The following ATXN1 variants were observed in gnomAD, a reference collection of about 807,000 sequenced individuals.
The protein encoded by ATXN1 is ataxin-1.
In ATXN1, 8 loss-of-function variants were observed where a neutral mutation model predicts 56.4. That is an observed-to-expected ratio of 0.14 (90% CI 0.08 to 0.26). ATXN1 has a LOEUF of 0.26. Among genes scored for constraint, ATXN1 ranks in the 10% least tolerant of loss-of-function variants. ATXN1 has a pLI of 1.00. For missense variants in ATXN1, 987 were observed against 1,106.5 expected (o/e 0.89, Z 1.53); for synonymous variants, 514 against 494.6 (o/e 1.04, Z -0.52).
intron 2 of ATXN1, among the ~76,000 whole-genome samples, chr6:16,689,696 A>G (rs1308926945): frequency 6.6e-6 from 1 of 152,034 alleles, no homozygotes; most frequent in African/African-American, 2.4e-5. Flanking sequence ...CATATACTAT[A>G]AAATGATTAT....
intron 5 of ATXN1, among the ~76,000 whole-genome samples, chr6:16,512,608 C>T (rs1228014757): frequency 8.6e-5 from 13 of 152,024 alleles, no homozygotes; most frequent in Admixed American, 7.2e-4. Context: ...TTGTCGCAAT[C>T]GGTTAAAAAG....
chr6:16,655,350 G>A (rs1165981485), intron 3 of ATXN1, among the ~76,000 whole-genome samples: 4 of 152,008 alleles, frequency 2.6e-5, no homozygotes, highest in Admixed American at 2.0e-4. Flanking sequence ...GCGAGACCTC[G>A]TATCTACAAA....
At chr6:16,308,015 G>A (rs1477897511) in intron 7 of ATXN1, among the ~76,000 whole-genome samples, 1 of 152,134 alleles carries the variant, frequency 6.6e-6, no homozygotes, top group Non-Finnish European at 1.5e-5. Context: ...TTAGCCAGGT[G>A]TGGTGGTGGG....
chr6:16,538,754 C>T (rs1380441405), intron 4 of ATXN1, among the ~76,000 whole-genome samples: 2 of 152,102 alleles, frequency 1.3e-5, no homozygotes, highest in South Asian at 2.1e-4. Context: ...GGCACTATCT[C>T]GGCTCACTGC....
chr6:16,335,537 T>G (rs1015219555), intron 6 of ATXN1, among the ~76,000 whole-genome samples: 1 of 152,226 alleles, frequency 6.6e-6, no homozygotes, highest in African/African-American at 2.4e-5. Context: ...CACGAGGGCC[T>G]AAGGACATAA....
chr6:16,376,185 A>T (rs1295421128), intron 6 of ATXN1, among the ~76,000 whole-genome samples: 2 of 152,238 alleles, frequency 1.3e-5, no homozygotes, highest in Admixed American at 1.3e-4. Context: ...TCCTGGCAAG[A>T]TACGATCAAT....
At chr6:16,608,926 CCTCT>C (rs1179964902) in intron 3 of ATXN1, among the ~76,000 whole-genome samples, 2 of 152,090 alleles carry the variant, frequency 1.3e-5, no homozygotes, top group Non-Finnish European at 2.9e-5. Context: ...GTAAATTTCC[CCTCT>C]CTGTCTTTAG....
chr6:16,504,648 A>C, intron 5 of ATXN1, among the ~76,000 whole-genome samples: 1 of 152,332 alleles, frequency 6.6e-6, no homozygotes, highest in Non-Finnish European at 1.5e-5. Context: ...GGACTTGAAA[A>C]GGGTGACAAG....
chr6:16,400,578 A>G (rs999097742), intron 6 of ATXN1, among the ~76,000 whole-genome samples: 14 of 152,214 alleles, frequency 9.2e-5, no homozygotes, highest in Non-Finnish European at 5.9e-5. Flanking sequence ...GACATCTTAC[A>G]CAAGAATTCC....
intron 2 of ATXN1, among the ~76,000 whole-genome samples, chr6:16,728,448 T>A (rs529098743): frequency 1.3e-5 from 2 of 152,284 alleles, no homozygotes; most frequent in South Asian, 4.1e-4. Context: ...AGGATATGTA[T>A]GGGCAACATC....
chr6:16,752,915 AGC>A, intron 2 of ATXN1: 1 of 229,152 alleles, frequency 4.4e-6, no homozygotes, highest in South Asian at 5.1e-5. Flanking sequence ...CTGGTAGCAT[AGC>A]ATTCTTAATT....
At chr6:16,490,941 A>G (rs1294041282) in intron 5 of ATXN1, among the ~76,000 whole-genome samples, 2 of 152,194 alleles carry the variant, frequency 1.3e-5, no homozygotes, top group Non-Finnish European at 2.9e-5. Flanking sequence ...TGCTACTAAC[A>G]GCTGGTTTCT....
intron 3 of ATXN1, among the ~76,000 whole-genome samples, chr6:16,603,474 G>A (rs1457791234): frequency 6.6e-6 from 1 of 152,146 alleles, no homozygotes; most frequent in Non-Finnish European, 1.5e-5. Context: ...ACAGCCTTGA[G>A]TGCTTAGCGG....
At chr6:16,703,044 C>A (rs1271475117) in intron 2 of ATXN1, among the ~76,000 whole-genome samples, 2 of 151,912 alleles carry the variant, frequency 1.3e-5, no homozygotes, top group Admixed American at 1.3e-4. Flanking sequence ...ATGTTTATTG[C>A]GGCACTATTC....
chr6:16,719,061 T>C (rs1759696113), intron 2 of ATXN1, among the ~76,000 whole-genome samples: 1 of 152,384 alleles, frequency 6.6e-6, no homozygotes, highest in South Asian at 2.1e-4. Flanking sequence ...CAGAGTGCCA[T>C]GCACACAATG....
chr6:16,439,091 C>T lies in ATXN1; in HGVS notation c.-161+46881G>A, dbSNP rs570555945. ...AATTTAAACTGCACAGGAAACAAGG[C>T]CCTTTGTCAAAAGGTGCTAAATCTA... On this transcript the variant is annotated intron_variant, in intron 6 of 7. Coordinates refer to ENST00000436367, the MANE Select transcript of ATXN1 (RefSeq NM_001128164.2). 1.9e-3 allele frequency among the ~76,000 whole-genome samples: 283 copies of T among 151,976 alleles called. 1 individual carries two copies. Among genetic ancestry groups the T allele is most frequent in the African/African-American group, 6.1e-3 (254 of 41,454 alleles).
chr6:16,334,405 G>A (rs1561856485), intron 6 of ATXN1, among the ~76,000 whole-genome samples: 2 of 151,932 alleles, frequency 1.3e-5, no homozygotes, highest in Non-Finnish European at 2.9e-5. Context: ...ATTTGGTAGG[G>A]TTCTTAAAAA....
chr6:16,566,416 C>A (rs1460824575), intron 4 of ATXN1, among the ~76,000 whole-genome samples: 1 of 152,026 alleles, frequency 6.6e-6, no homozygotes, highest in Non-Finnish European at 1.5e-5. Context: ...ACTCCTGCAG[C>A]ATTGGTGTAA....
intron 6 of ATXN1, among the ~76,000 whole-genome samples, chr6:16,389,921 T>C (rs1169528750): frequency 6.6e-6 from 1 of 152,222 alleles, no homozygotes; most frequent in African/African-American, 2.4e-5. Flanking sequence ...CGTTCACCTT[T>C]TGTAAATCCT....
Sources: gnomAD v4.1 joint callset for allele counts (sites outside exome capture counted in the v4.1 genomes callset) on GRCh38, gnomAD v4.1.1 for gene constraint, MANE v1.5 for transcripts, NCBI Gene and HGNC (gene_info 2026-07-23, HGNC 2026-07-21) for gene names.